ESPN: variants seen among roughly 807,000 people sequenced by gnomAD.
ESPN encodes autosomal recessive deafness type 36 protein.
A neutral mutation model predicts 77.7 loss-of-function variants in ESPN; 68 were observed. That is an observed-to-expected ratio of 0.87 (90% CI 0.72 to 1.07). The LOEUF is 1.07. Ranked by LOEUF, ESPN falls within the 50% of genes least tolerant of loss-of-function variation. The pLI is 0.00. For missense variants in ESPN, 1,060 were observed against 1,239.0 expected, an observed-to-expected ratio of 0.86 and a Z score of 2.17; for synonymous variants, 449 against 567.1, an observed-to-expected ratio of 0.79 and a Z score of 2.96.
chr1:6,452,018 C>T lies in ESPN; in HGVS notation c.2247C>T (p.Pro749=), dbSNP rs1382470032. ...LIPTHDEQGR[P]IPEWKRQVMV... is the part of the protein sequence containing the mutation. ...CCACGCACGATGAGCAGGGCCGGCC[C>T]ATCCCCGAGTGGAAGCGCCAGGTGA... is the stretch of plus-strand genomic sequence containing the variant. Residue 749 remains proline, a synonymous_variant, in exon 10 of 13, where the codon CCC becomes CCT. Coordinates refer to ENST00000645284, the MANE Select transcript of ESPN (RefSeq NM_031475.3). 2.5e-6 allele frequency: 4 copies of T among 1,597,964 alleles called. No homozygotes were observed. In the Admixed American group the frequency reaches 5.1e-5, roughly 21 times the overall value.
intron 10 of ESPN, chr1:6,455,110 C>T (rs1018369611): frequency 7.8e-6 from 3 of 386,230 alleles, no homozygotes; most frequent in Non-Finnish European, 1.4e-5. Flanking sequence ...CCCAGCGCCG[C>T]CGCCGCCCAC....
chr1:6,459,978 C>A (rs200528482), intron 12 of ESPN, 21 bp from the exon 13 acceptor site: 1 of 1,612,752 alleles, frequency 6.2e-7, no homozygotes, highest in Admixed American at 1.7e-5. Flanking sequence ...ACCGGGTCTG[C>A]CCCCCTCCCC....
Position 6,425,066 on chromosome 1 carries a change from G to A in ESPN, c.111G>A (p.Ala37=). The A allele has an allele frequency of 6.8e-7, 1 of 1,473,654 alleles. No individual in the cohort carries two copies. The highest frequency in any genetic ancestry group is 8.9e-7 in the Non-Finnish European group (1 of 1,119,802). 91.3% of individuals were successfully genotyped at this position (1,473,654 alleles called of 1,614,324 possible). Residue 37 remains alanine, a synonymous_variant, in exon 1 of 13, where the codon GCG becomes GCA. Coordinates refer to ENST00000645284, the MANE Select transcript of ESPN (RefSeq NM_031475.3). The stretch of plus-strand genomic sequence containing the variant: ...CCTCGCTGCGCGACCCGCTGGACGC[G>A]CTGCCCGTGCACCACGCGGCCCGCG... ...LGPSLRDPLD[A]LPVHHAARAG... is the part of the protein sequence containing the mutation.
chr1:6,445,957 C>T (rs1446784132), intron 7 of ESPN, 22 bp downstream of exon 7: 2 of 1,611,936 alleles, frequency 1.2e-6, no homozygotes, highest in Non-Finnish European at 1.7e-6. Flanking sequence ...TCACCCCCTG[C>T]CTGCCTCCCA....
At chr1:6,457,583 C>T (rs991524972) in intron 12 of ESPN, among the ~76,000 whole-genome samples, 1 of 152,182 alleles carries the variant, frequency 6.6e-6, no homozygotes, top group African/African-American at 2.4e-5. Context: ...ATTAACCTGG[C>T]CTTTTCTACC....
chr1:6,426,705 A>C (rs966990312), intron 1 of ESPN, among the ~76,000 whole-genome samples: 2 of 152,056 alleles, frequency 1.3e-5, no homozygotes, highest in African/African-American at 4.8e-5. Context: ...CACAGTCCCC[A>C]AGGCCAATAG....
chr1:6,456,693 C>G (rs775324969), intron 10 of ESPN: 13 of 236,066 alleles, frequency 5.5e-5, no homozygotes, highest in Middle Eastern at 1.6e-3. Flanking sequence ...GGACACCACA[C>G]CTGCCCCTGA....
At chr1:6,425,744 A>G (rs1643012933) in intron 1 of ESPN, among the ~76,000 whole-genome samples, 1 of 152,222 alleles carries the variant, frequency 6.6e-6, no homozygotes, top group South Asian at 2.1e-4. Context: ...CCCATAACCC[A>G]GGCTGACCCC....
At chr1:6,431,515 C>T (rs111347638) in intron 2 of ESPN, among the ~76,000 whole-genome samples, 13,897 of 151,716 alleles carry the variant, frequency 0.092, 931 homozygotes, top group African/African-American at 0.18. Context: ...CCTGTAATCC[C>T]AGCTACTTGG....
chr1:6,431,290 A>G (rs1223025462), intron 2 of ESPN, among the ~76,000 whole-genome samples: 4 of 152,138 alleles, frequency 2.6e-5, no homozygotes, highest in Admixed American at 2.6e-4. Flanking sequence ...CCTACCCCCG[A>G]CCAGACTAGA....
At chr1:6,454,965 C>T (rs918162945) in intron 10 of ESPN, 5 of 381,554 alleles carry the variant, frequency 1.3e-5, no homozygotes, top group Non-Finnish European at 2.3e-5. Flanking sequence ...GCAGCATCTC[C>T]GCGCCACCTA....
At chr1:6,432,008 C>T (rs1362143076) in intron 2 of ESPN, among the ~76,000 whole-genome samples, 1 of 152,194 alleles carries the variant, frequency 6.6e-6, no homozygotes, top group African/African-American at 2.4e-5. Context: ...GGCTGTACCT[C>T]CTCTCTGGGT....
rs1445440342 is a variant in ESPN at position 6,427,204 on chromosome 1, G to A, written c.295-1022G>A. Among the ~76,000 whole-genome samples, 2 of 152,088 alleles carry A rather than the reference G, an allele frequency of 1.3e-5. No homozygotes were observed. Among genetic ancestry groups the A allele is most frequent in the East Asian group, 3.9e-4 (2 of 5,190 alleles). On this transcript the variant is annotated intron_variant, in intron 1 of 12. Coordinates refer to ENST00000645284, the MANE Select transcript of ESPN (RefSeq NM_031475.3). This position sits in a 1 kb window ranked among gnomAD's most constrained non-coding sequence, Gnocchi z 4.6. ...CTTTACTCCCTGATCCTAGTGAAGT[G>A]TGTCCACTGCATCCTGCACCCAGAA...
intron 2 of ESPN, among the ~76,000 whole-genome samples, chr1:6,431,628 C>CAAAAAAAAAAAA (rs760363517): frequency 1.6e-5 from 1 of 61,786 alleles, no homozygotes; most frequent in Non-Finnish European, 3.7e-5. Context: ...AAGATTCTGT[C>CAAAAAAAAAAAA]AAAAAAAAAA....
chr1:6,440,393 C>G lies in ESPN; in HGVS notation c.628C>G (p.Leu210Val), dbSNP rs770396660. ...HARAHDGMTP[L>V]HAAAQMGHSP... ...GCGCGCCCACGACGGCATGACCCCG[C>G]TGCACGCCGCGGCGCAGATGGGCCA... The change falls in exon 3 of 13, where the codon CTG (leucine) becomes GTG (valine). Residue 210 changes from leucine (L) to valine (V), a missense_variant. Transcript: ENST00000645284. 6 of 1,585,568 alleles carry G rather than the reference C, an allele frequency of 3.8e-6. No individual in the cohort carries two copies. The highest frequency in any genetic ancestry group is 5.1e-6 in the Non-Finnish European group (6 of 1,167,494).
intron 10 of ESPN, 151 bp from the exon 11 acceptor site, chr1:6,457,033 G>C (rs1176124142): frequency 3.9e-6 from 3 of 776,650 alleles, no homozygotes; most frequent in Non-Finnish European, 6.6e-6. Flanking sequence ...AGCTCTGAGG[G>C]GGTGTGACCA....
chr1:6,436,171 A>G (rs1264036534), intron 2 of ESPN, among the ~76,000 whole-genome samples: 1 of 150,800 alleles, frequency 6.6e-6, no homozygotes, highest in Non-Finnish European at 1.5e-5. Context: ...CCAAGAGCAG[A>G]AGGGGTGTAG....
chr1:6,451,958 G>A lies in ESPN; in HGVS notation c.2187G>A (p.Ala729=), dbSNP rs1311394290. The change falls in exon 10 of 13, where the codon GCG becomes GCA. Residue 729 remains alanine (A), a synonymous_variant. Transcript: ENST00000645284. This position sits in a 1 kb window ranked among gnomAD's most constrained non-coding sequence, Gnocchi z 4.3. ...TTCCCGTGCCGCCCACTACTCCTGC[G>A]CCGGGAGTGCAGCTGGACGTGGAGG... is the stretch of plus-strand genomic sequence containing the variant. ...SLVPVPPTTP[A]PGVQLDVEAL... 1.1e-5 allele frequency: 17 copies of A among 1,610,568 alleles called. No homozygotes were observed. The highest frequency in any genetic ancestry group is 3.3e-5 in the Admixed American group (2 of 59,760).
At chr1:6,454,145 G>A (rs1644005029) in intron 10 of ESPN, among the ~76,000 whole-genome samples, 1 of 152,218 alleles carries the variant, frequency 6.6e-6, no homozygotes, top group African/African-American at 2.4e-5. Flanking sequence ...AGCCAGGCAT[G>A]GAGACCCCGT....
Sources: gnomAD v4.1 joint callset for allele counts (sites outside exome capture counted in the v4.1 genomes callset) on GRCh38, gnomAD v4.1.1 for gene constraint, Gnocchi (gnomAD v3.1) non-coding constraint, MANE v1.5 for transcripts, NCBI Gene and HGNC (gene_info 2026-07-23, HGNC 2026-07-21) for gene names.